Variants in KCTD8 observed in about 807,000 individuals in gnomAD.
KCTD8 encodes the protein BTB/POZ domain-containing protein KCTD8.
Under a neutral mutation model 31.5 loss-of-function variants are expected in KCTD8, and 27 were observed. The ratio of observed to expected loss-of-function variants is 0.86; its 90% CI spans 0.63 to 1.18. The LOEUF (loss-of-function observed/expected upper bound fraction) is 1.18, where lower values mean the gene tolerates loss of function less well. KCTD8 is among the 50% of genes most tolerant of loss of function. The probability of loss-of-function intolerance (pLI) is 0.00; values close to 1 mark genes in which losing one functional copy is unlikely to be tolerated. For synonymous variants in KCTD8, 290 were observed against 280.0 expected, an observed-to-expected ratio of 1.04 and a Z score of -0.36; for missense variants, 658 against 647.7, an observed-to-expected ratio of 1.02 and a Z score of -0.17.
At chr4:44,223,640 G>A (rs1560399079) in intron 1 of KCTD8, among the ~76,000 whole-genome samples, 1 of 152,158 alleles carries the variant, frequency 6.6e-6, no homozygotes, top group Non-Finnish European at 1.5e-5. Flanking sequence ...AGAGTAAAAG[G>A]TATGTCAATT....
At chr4:44,331,866 C>CTA (rs1039147852) in intron 1 of KCTD8, among the ~76,000 whole-genome samples, 4 of 149,362 alleles carry the variant, frequency 2.7e-5, no homozygotes, top group African/African-American at 9.8e-5. Flanking sequence ...GTATGTGGAG[C>CTA]TATATATATA....
At chr4:44,343,772 A>C (rs1324881652) in intron 1 of KCTD8, among the ~76,000 whole-genome samples, 1 of 152,212 alleles carries the variant, frequency 6.6e-6, no homozygotes, top group African/African-American at 2.4e-5. Context: ...AAACTGTAAC[A>C]AAAAATGTTA....
chr4:44,422,096 A>G (rs1412430592), intron 1 of KCTD8, among the ~76,000 whole-genome samples: 1 of 152,064 alleles, frequency 6.6e-6, no homozygotes, highest in African/African-American at 2.4e-5. Context: ...ATAGAATCAT[A>G]CTTGGCATTC....
At chr4:44,296,053 C>A (rs1045777570) in intron 1 of KCTD8, among the ~76,000 whole-genome samples, 33 of 152,046 alleles carry the variant, frequency 2.2e-4, no homozygotes, top group Non-Finnish European at 4.6e-4. Context: ...CTTATAGGAT[C>A]ATATTTGTTT....
At chr4:44,280,490 T>C (rs373247462) in intron 1 of KCTD8, among the ~76,000 whole-genome samples, 4 of 152,056 alleles carry the variant, frequency 2.6e-5, no homozygotes, top group East Asian at 3.9e-4. Context: ...ATGGCAATTA[T>C]TAATTTCACT....
chr4:44,439,289 T>C (rs779229657), intron 1 of KCTD8, among the ~76,000 whole-genome samples: 26 of 152,218 alleles, frequency 1.7e-4, no homozygotes, highest in Non-Finnish European at 3.7e-4. Flanking sequence ...TCTGGTGATA[T>C]TAAGTCAATA....
chr4:44,424,575 T>C (rs1445063956), intron 1 of KCTD8, among the ~76,000 whole-genome samples: 1 of 152,096 alleles, frequency 6.6e-6, no homozygotes, highest in Admixed American at 6.6e-5. Context: ...TATGAGGTTT[T>C]TCTCTCTATA....
chr4:44,246,552 T>C (rs570925442), intron 1 of KCTD8, among the ~76,000 whole-genome samples: 59 of 152,178 alleles, frequency 3.9e-4, no homozygotes, highest in Non-Finnish European at 7.2e-4. Flanking sequence ...TTTTCTCCTA[T>C]TCTGAAAATT....
At position 44,447,997 on chromosome 4, in the gene KCTD8, G is replaced by C. The variant is rs10028087; in HGVS notation, c.527C>G (p.Ala176Gly). The C allele has an allele frequency of 7.0e-6, 11 of 1,569,392 alleles. No individual in the cohort carries two copies. The African/African-American group carries it at 1.5e-4, about 21-fold the overall frequency. The change falls in exon 1 of 2, where the codon GCG (alanine) becomes GGG (glycine). Residue 176 changes from alanine (A) to glycine (G), a missense_variant. Coordinates refer to ENST00000360029, the MANE Select transcript of KCTD8 (RefSeq NM_198353.3). ...EDNVSQGSSD[A>G]LLLRGAAAAV... ...GGCCGCCGCCCCGCGCAGCAGCAGC[G>C]CGTCGCTGCTACCCTGCGAGACGTT...
intron 1 of KCTD8, among the ~76,000 whole-genome samples, chr4:44,224,483 G>A (rs182604297): frequency 1.2e-3 from 176 of 151,906 alleles, no homozygotes; most frequent in Middle Eastern, 0.01. Context: ...ATCCATCTGC[G>A]TTTGTTAGGA....
chr4:44,213,040 C>A (rs574055882), intron 1 of KCTD8, among the ~76,000 whole-genome samples: 3 of 152,086 alleles, frequency 2.0e-5, no homozygotes, highest in Non-Finnish European at 4.4e-5. Context: ...CCTGTTCACG[C>A]CATCCTCCTG....
At chr4:44,191,520 C>T (rs1260118140) in intron 1 of KCTD8, among the ~76,000 whole-genome samples, 1 of 152,076 alleles carries the variant, frequency 6.6e-6, no homozygotes, top group Non-Finnish European at 1.5e-5. Context: ...AATTCTTTTA[C>T]TAGCAAGGAA....
chr4:44,314,914 C>T lies in KCTD8; in HGVS notation c.961+132649G>A, dbSNP rs1229806467. On this transcript the variant is annotated intron_variant, in intron 1 of 1. Transcript: ENST00000360029. ...CAGGAAAAAAAAAAAACTTATACTC[C>T]TCCTCCTCTACCTCAGAGTCAACCA... Among the ~76,000 whole-genome samples the T allele has an allele frequency of 5.3e-5, 8 of 150,526 alleles. No individual in the cohort carries two copies. The East Asian group carries it at 1.4e-3, about 26-fold the overall frequency.
At chr4:44,261,495 G>C (rs1051733853) in intron 1 of KCTD8, among the ~76,000 whole-genome samples, 3 of 151,904 alleles carry the variant, frequency 2.0e-5, no homozygotes, top group African/African-American at 7.2e-5. Context: ...AAACAATATA[G>C]TACTACTAAC....
chr4:44,321,306 T>C (rs1323654736), intron 1 of KCTD8, among the ~76,000 whole-genome samples: 3 of 152,206 alleles, frequency 2.0e-5, no homozygotes, highest in Non-Finnish European at 2.9e-5. Context: ...ATATCATTTG[T>C]TGACTTAACT....
chr4:44,358,478 C>T lies in KCTD8; in HGVS notation c.961+89085G>A, dbSNP rs191782319. On this transcript the variant is annotated intron_variant, in intron 1 of 1. Transcript: ENST00000360029. Reference sequence around the variant, plus strand: ...TCTTGAGGAATCACCACACTGTCTTCCACAATGGTTGAACTAATTTACACT... The same window carrying T: ...TCTTGAGGAATCACCACACTGTCTTTCACAATGGTTGAACTAATTTACACT... Among the ~76,000 whole-genome samples the T allele has an allele frequency of 1.6e-4, 25 of 152,258 alleles. No individual in the cohort carries two copies. The East Asian group carries it at 3.9e-3, about 24-fold the overall frequency.
chr4:44,282,239 T>C (rs940733944), intron 1 of KCTD8, among the ~76,000 whole-genome samples: 6 of 152,110 alleles, frequency 3.9e-5, no homozygotes, highest in Non-Finnish European at 8.8e-5. Flanking sequence ...CTGTGTCACA[T>C]GTTCGTCATT....
intron 1 of KCTD8, among the ~76,000 whole-genome samples, chr4:44,426,128 A>G (rs1156700974): frequency 6.6e-6 from 1 of 151,872 alleles, no homozygotes; most frequent in African/African-American, 2.4e-5. Flanking sequence ...GTCAAAATGT[A>G]TGATACATTT....
chr4:44,374,882 T>C (rs1224538980), intron 1 of KCTD8, among the ~76,000 whole-genome samples: 1 of 152,108 alleles, frequency 6.6e-6, no homozygotes, highest in African/African-American at 2.4e-5. Context: ...GTTTTAAATA[T>C]TGTGAGAATT....
Sources: gnomAD v4.1 joint callset for allele counts (sites outside exome capture counted in the v4.1 genomes callset) on GRCh38, gnomAD v4.1.1 for gene constraint, MANE v1.5 for transcripts, NCBI Gene and HGNC (gene_info 2026-07-23, HGNC 2026-07-21) for gene names.